CCDC171: variants seen among roughly 807,000 people sequenced by gnomAD.
CCDC171 encodes the protein coiled-coil domain-containing protein 171.
A neutral mutation model predicts 168.2 loss-of-function variants in CCDC171; 177 were observed. The observed-to-expected ratio is 1.05, with a 90% CI of 0.93 to 1.19. The LOEUF (loss-of-function observed/expected upper bound fraction) is 1.19, where lower values mean the gene tolerates loss of function less well. Ranked by LOEUF, CCDC171 falls within the 50% of genes most tolerant of loss-of-function variation. The probability of loss-of-function intolerance (pLI) is 0.00; values close to 1 mark genes in which losing one functional copy is unlikely to be tolerated. For synonymous variants in CCDC171, 687 were observed against 540.8 expected (o/e 1.27, Z -3.75); for missense variants, 1,991 against 1,539.0 (o/e 1.29, Z -4.91).
chr9:15,809,673 G>A (rs951864011), intron 21 of CCDC171, among the ~76,000 whole-genome samples: 7 of 152,204 alleles, frequency 4.6e-5, no homozygotes, highest in Admixed American at 3.3e-4. Context: ...GGTCTCACTG[G>A]CCTCAGGAGT....
intron 1 of CCDC171, among the ~76,000 whole-genome samples, chr9:16,044,045 C>G (rs115693352): frequency 6.6e-6 from 1 of 152,178 alleles, no homozygotes; most frequent in African/African-American, 2.4e-5. Flanking sequence ...TGGGAAGAGG[C>G]CTTCGGTCAT....
At chr9:16,017,991 C>A (rs1167575204) in intron 3 of CCDC171, among the ~76,000 whole-genome samples, 1 of 152,184 alleles carries the variant, frequency 6.6e-6, no homozygotes, top group Non-Finnish European at 1.5e-5. Flanking sequence ...CAGCACAAAA[C>A]ATGCCCTTAT....
chr9:15,676,191 A>G (rs953564252), intron 9 of CCDC171, among the ~76,000 whole-genome samples: 4 of 152,030 alleles, frequency 2.6e-5, no homozygotes, highest in African/African-American at 9.7e-5. Flanking sequence ...TGCGTGCATC[A>G]CGAAATTCTC....
chr9:15,708,229 T>G (rs2052392204), intron 11 of CCDC171, among the ~76,000 whole-genome samples: 1 of 152,262 alleles, frequency 6.6e-6, no homozygotes, highest in South Asian at 2.1e-4. Context: ...GTCAACAGCC[T>G]GGTAGCCTCC....
chr9:15,636,182 A>G (rs1010932472), intron 7 of CCDC171, among the ~76,000 whole-genome samples: 33 of 152,144 alleles, frequency 2.2e-4, no homozygotes, highest in Non-Finnish European at 7.3e-5. Context: ...ATAAGATGCT[A>G]ACGATGGAGG....
Position 15,744,828 on chromosome 9 carries a change from A to G in CCDC171, c.2554+51A>G, listed in dbSNP as rs41268963. The G allele has an allele frequency of 2.6e-3, 4,031 of 1,543,324 alleles. 9 individuals are homozygous for G. Among genetic ancestry groups the G allele is most frequent in the Non-Finnish European group, 3.2e-3 (3,691 of 1,140,588 alleles). On this transcript the variant is annotated intron_variant, in intron 17 of 25. Coordinates refer to ENST00000380701, the MANE Select transcript of CCDC171 (RefSeq NM_173550.4). ...TATAAGTTGCATGTAAGCGAAATAC[A>G]GTGTGACTATACCTGGCTATTATGG... is the stretch of plus-strand genomic sequence containing the variant.
chr9:15,680,344 C>T (rs1348602624), intron 10 of CCDC171, among the ~76,000 whole-genome samples: 1 of 152,114 alleles, frequency 6.6e-6, no homozygotes, highest in Non-Finnish European at 1.5e-5. Context: ...ACATACTTTC[C>T]TCAGAGGCTT....
At chr9:15,579,134 TTGAC>T in intron 4 of CCDC171, 111 bp downstream of exon 4, 1 of 819,404 alleles carries the variant, frequency 1.2e-6, no homozygotes, top group Non-Finnish European at 1.8e-6. Context: ...TTCTGATTCG[TTGAC>T]TGACTTTTGA....
chr9:15,876,513 G>A (rs1817868910), intron 24 of CCDC171, among the ~76,000 whole-genome samples: 1 of 152,096 alleles, frequency 6.6e-6, no homozygotes, highest in Non-Finnish European at 1.5e-5. Flanking sequence ...GGAAAAGGCA[G>A]AGCCTGGATT....
rs78750381 is a variant in CCDC171, at chr9:15,784,918, G to T, written c.3267+224G>T. Among the ~76,000 whole-genome samples the T allele has an allele frequency of 4.5e-3, 688 of 151,942 alleles. 2 individuals carry two copies. Among genetic ancestry groups the T allele is most frequent in the Non-Finnish European group, 7.5e-3 (507 of 67,904 alleles). On this transcript the variant is annotated intron_variant, in intron 21 of 25. Transcript: ENST00000380701. The stretch of plus-strand genomic sequence containing the variant: ...CTTGCTGGTTGAAAACGAAGTGAAG[G>T]TCTTTTCCAGTAATAATAACAATTA...
rs1018944719 is a variant in CCDC171 at position 15,926,452 on chromosome 9, C to G, written c.3753+6030C>G. Among the ~76,000 whole-genome samples the G allele has an allele frequency of 3.3e-5, 5 of 151,648 alleles. No homozygotes were observed. In the Middle Eastern group the frequency reaches 0.01, roughly 309 times the overall value. ...TGCACCATCCAATTCCAGCTTTTTACTTTATAATCTGATTTGATTCCACTT... is the reference window on the plus strand; with the variant it reads ...TGCACCATCCAATTCCAGCTTTTTAGTTTATAATCTGATTTGATTCCACTT... On this transcript the variant is annotated intron_variant, in intron 25 of 25. Coordinates refer to ENST00000380701, the MANE Select transcript of CCDC171 (RefSeq NM_173550.4).
chr9:15,905,483 A>G (rs992751447), intron 24 of CCDC171, among the ~76,000 whole-genome samples: 25 of 152,316 alleles, frequency 1.6e-4, no homozygotes, highest in Admixed American at 1.2e-3. Context: ...ACGAGAACAA[A>G]GACACAACAT....
At chr9:15,996,795 A>G (rs902863615) in intron 3 of CCDC171, among the ~76,000 whole-genome samples, 3 of 152,134 alleles carry the variant, frequency 2.0e-5, no homozygotes, top group African/African-American at 7.2e-5. Context: ...TCTACAGTGT[A>G]TTATTTTTAT....
chr9:16,036,491 A>G (rs1833471572), intron 8 of CCDC171, among the ~76,000 whole-genome samples: 1 of 152,192 alleles, frequency 6.6e-6, no homozygotes, highest in South Asian at 2.1e-4. Flanking sequence ...AAAAATACAA[A>G]AAATTAGCTG....
chr9:15,811,838 C>T (rs1012604902), intron 21 of CCDC171, among the ~76,000 whole-genome samples: 3 of 152,122 alleles, frequency 2.0e-5, no homozygotes, highest in African/African-American at 7.2e-5. Flanking sequence ...AGATGTGTTG[C>T]TGCTGTAACC....
intron 15 of CCDC171, among the ~76,000 whole-genome samples, chr9:15,728,321 A>G (rs1004829443): frequency 5.3e-5 from 8 of 152,108 alleles, no homozygotes; most frequent in Admixed American, 3.9e-4. Flanking sequence ...AAAAGAAAAT[A>G]AATTAATCTT....
At chr9:15,792,370 G>C (rs923807143) in intron 21 of CCDC171, among the ~76,000 whole-genome samples, 7 of 152,170 alleles carry the variant, frequency 4.6e-5, no homozygotes, top group Admixed American at 6.5e-5. Context: ...AAGTGACGGG[G>C]AGAATGGAAC....
At chr9:16,062,961 A>G (rs2133089107), downstream of CCDC171, among the ~76,000 whole-genome samples, 1 of 152,286 alleles carries the variant, frequency 6.6e-6, no homozygotes, top group East Asian at 1.9e-4. Context: ...GTGAAACCGA[A>G]GATGGGGCCA....
At chr9:15,837,718 G>A (rs1207739845) in intron 21 of CCDC171, among the ~76,000 whole-genome samples, 1 of 152,116 alleles carries the variant, frequency 6.6e-6, no homozygotes, top group Non-Finnish European at 1.5e-5. Flanking sequence ...GTATTACTCA[G>A]CTTCACTCTC....
Sources: allele counts gnomAD v4.1 joint callset (sites outside exome capture counted in the v4.1 genomes callset), GRCh38; gene constraint gnomAD v4.1.1; transcripts MANE v1.5; gene names NCBI Gene and HGNC (gene_info 2026-07-23, HGNC 2026-07-21).